PTPRB: variants seen among roughly 807,000 people sequenced by gnomAD.
PTPRB encodes protein tyrosine phosphatase receptor type B, also known as receptor-type tyrosine-protein phosphatase beta.
In PTPRB, 97 loss-of-function variants were observed where a neutral mutation model predicts 238.1. That is an observed-to-expected ratio of 0.41 (90% CI 0.35 to 0.48). The LOEUF is 0.48. Among genes scored for constraint, PTPRB ranks in the 20% least tolerant of loss-of-function variants. The probability of loss-of-function intolerance (pLI) is 0.30; values close to 1 mark genes in which losing one functional copy is unlikely to be tolerated. For missense variants in PTPRB, 2,292 were observed against 2,681.9 expected (o/e 0.85, Z 3.21); for synonymous variants, 970 against 995.4 (o/e 0.97, Z 0.48).
Position 70,529,965 on chromosome 12 carries a change from A to G in PTPRB, c.6504+2070T>C, listed in dbSNP as rs142469307. 4.0e-3 allele frequency among the ~76,000 whole-genome samples: 610 copies of G among 152,126 alleles called. 6 individuals are homozygous for G. Among genetic ancestry groups the G allele is most frequent in the African/African-American group, 0.014 (577 of 41,514 alleles). Reference sequence around the variant, plus strand: ...TCCATGGGGAGTAGAGGAAAAATCCATGGGGAGTAGAGGAATATATTACCA... The same window carrying G: ...TCCATGGGGAGTAGAGGAAAAATCCGTGGGGAGTAGAGGAATATATTACCA... On this transcript the variant is annotated intron_variant, in intron 32 of 33. Transcript: ENST00000334414.
intron 14 of PTPRB, among the ~76,000 whole-genome samples, chr12:70,567,855 T>C (rs906438859): frequency 6.6e-6 from 1 of 152,224 alleles, no homozygotes; most frequent in Non-Finnish European, 1.5e-5. Context: ...AGTATACTTT[T>C]GCTTTTTATA....
chr12:70,555,412 CTGTG>C, intron 19 of PTPRB, 103 bp from the exon 20 acceptor site: 2 of 1,130,218 alleles, frequency 1.8e-6, no homozygotes, highest in African/African-American at 1.5e-5. Context: ...CTGCATCAGA[CTGTG>C]TGTGTGTGAG....
intron 33 of PTPRB, among the ~76,000 whole-genome samples, chr12:70,521,923 C>T (rs1871703770): frequency 6.6e-6 from 1 of 152,140 alleles, no homozygotes; most frequent in Non-Finnish European, 1.5e-5. Flanking sequence ...TAAGTCAAAA[C>T]AAGACAAAGG....
At chr12:70,581,615 T>C (rs1881405026) in intron 9 of PTPRB, among the ~76,000 whole-genome samples, 1 of 152,092 alleles carries the variant, frequency 6.6e-6, no homozygotes, top group Admixed American at 6.5e-5. Context: ...GAAAACTGCT[T>C]AGTTAATGTG....
At chr12:70,592,688 C>A in intron 6 of PTPRB, 143 bp from the exon 7 acceptor site, 1 of 865,778 alleles carries the variant, frequency 1.2e-6, no homozygotes, top group South Asian at 1.8e-5. Flanking sequence ...AAATATTATC[C>A]TCTTCAGATG....
At position 70,560,901 on chromosome 12, in the gene PTPRB, T is replaced by C. The variant is rs561064484; in HGVS notation, c.4202A>G (p.Asn1401Ser). ...PASVSHLRGS[N>S]RNTTDSLWFN... ...CCAAAGGCTGTCTGTCGTGTTCCGATTGGACCCCCTGAGATGACTCACAGA... is the reference window on the plus strand; with the variant it reads ...CCAAAGGCTGTCTGTCGTGTTCCGACTGGACCCCCTGAGATGACTCACAGA... The change falls in exon 17 of 34, where the codon AAT (asparagine) becomes AGT (serine). Residue 1401 changes from asparagine to serine, a missense_variant. Physicochemically the swap from Asn to Ser is conservative, Grantham distance 46. This residue lies in a region of PTPRB where 683 missense variants were observed against 862.0 expected (regional missense o/e 0.79). Coordinates refer to ENST00000334414, the MANE Select transcript of PTPRB (RefSeq NM_001109754.4). The surrounding 1 kb of genome is among the most constrained non-coding windows in gnomAD (Gnocchi z 4.2). 215 of 1,613,600 alleles carry C rather than the reference T, an allele frequency of 1.3e-4. 4 individuals carry two copies. The highest frequency in any genetic ancestry group is 1.3e-3 in the South Asian group (119 of 91,072).
intron 31 of PTPRB, among the ~76,000 whole-genome samples, chr12:70,534,199 C>G (rs554533183): frequency 6.4e-4 from 98 of 152,124 alleles, no homozygotes; most frequent in African/African-American, 2.3e-3. Flanking sequence ...GAATTCCCAT[C>G]AGGACTTTGC....
intron 3 of PTPRB, among the ~76,000 whole-genome samples, chr12:70,613,722 C>T (rs1175609686): frequency 6.6e-6 from 1 of 152,188 alleles, no homozygotes. Flanking sequence ...GAATCTTTGT[C>T]TGTCCTGCTC....
chr12:70,587,188 T>A lies in PTPRB; in HGVS notation c.2130A>T (p.Ala710=), dbSNP rs754236008. The A allele has an allele frequency of 6.2e-7, 1 of 1,613,778 alleles. No individual in the cohort carries two copies. The highest frequency in any genetic ancestry group is 8.5e-7 in the Non-Finnish European group (1 of 1,179,720). ...SLSIMWQTPV[A]EWEKYIISLA... Reference sequence around the variant, plus strand: ...GGGAAATGATGTATTTCTCCCATTCTGCTACAGGGGTCTGCCACATGATAC... The same window carrying A: ...GGGAAATGATGTATTTCTCCCATTCAGCTACAGGGGTCTGCCACATGATAC... Residue 710 remains alanine, a synonymous_variant, in exon 9 of 34, where the codon GCA becomes GCT. Coordinates refer to ENST00000334414, the MANE Select transcript of PTPRB (RefSeq NM_001109754.4).
At chr12:70,610,347 A>T (rs1884365126) in intron 3 of PTPRB, among the ~76,000 whole-genome samples, 1 of 151,862 alleles carries the variant, frequency 6.6e-6, no homozygotes, top group Admixed American at 6.6e-5. Context: ...CAGTCGCCTT[A>T]GCCACAATTA....
At chr12:70,609,021 C>T (rs780848989) in intron 4 of PTPRB, 48 bp downstream of exon 4, 10 of 1,596,396 alleles carry the variant, frequency 6.3e-6, no homozygotes, top group Non-Finnish European at 7.7e-6. Flanking sequence ...AAAGGCAGGG[C>T]CCAACCCCGT....
Position 70,609,107 on chromosome 12 carries a change from A to G in PTPRB, c.941T>C (p.Ile314Thr), listed in dbSNP as rs765767670. The part of the protein sequence containing the change: ...QAGTIYNFRI[I>T]SLDEERTVVL... ...CACTGTTCTCTCTTCATCCAGAGAAATAATCCTGAAGTTATAGATGGTTCC... is the reference window on the plus strand; with the variant it reads ...CACTGTTCTCTCTTCATCCAGAGAAGTAATCCTGAAGTTATAGATGGTTCC... The change falls in exon 4 of 34, where the codon ATT becomes ACT. Residue 314 changes from isoleucine to threonine, a missense_variant. Ile to Thr is a moderately conservative substitution (Grantham distance 89, BLOSUM62 -1). This residue lies in a region of PTPRB where 1,205 missense variants were observed against 1,287.8 expected (regional missense o/e 0.94). Transcript: ENST00000334414. The G allele has an allele frequency of 1.2e-6, 2 of 1,614,020 alleles. No homozygotes were observed. Among genetic ancestry groups the G allele is most frequent in the Non-Finnish European group, 1.7e-6 (2 of 1,179,872 alleles).
intron 3 of PTPRB, among the ~76,000 whole-genome samples, 174 bp downstream of exon 3, chr12:70,622,216 G>A (rs1455723034): frequency 6.6e-6 from 1 of 152,122 alleles, no homozygotes; most frequent in Non-Finnish European, 1.5e-5. Flanking sequence ...TGAGTCAATT[G>A]CAAAGATTTT....
At chr12:70,588,095 CAAA>C (rs10558140) in intron 8 of PTPRB, among the ~76,000 whole-genome samples, 123 of 104,632 alleles carry the variant, frequency 1.2e-3, no homozygotes, top group African/African-American at 3.0e-3. Flanking sequence ...GACTCTGTCT[CAAA>C]AAAAAAAAAA....
rs71457059 is a variant in PTPRB, at chr12:70,535,224, GTTTTTTT to G, written c.6082-276_6082-270del. 1.1e-4 allele frequency among the ~76,000 whole-genome samples: 9 copies of G among 82,002 alleles called. No individual in the cohort carries two copies. The East Asian group carries it at 1.5e-3, about 14-fold the overall frequency. The allele number at this position is 82,002 out of a possible 152,430, so 53.8% of individuals were successfully genotyped here. A position where few individuals can be genotyped will look rare whatever the true frequency, so the allele number is the denominator to read the frequency against. On this transcript the variant is annotated intron_variant, in intron 29 of 33. Transcript: ENST00000334414. The stretch of plus-strand genomic sequence containing the variant: ...TTAGGCCCAGTAATATATGGCTTGA[GTTTTTTT>G]TTTTTTTTTTTTTTTTTTTCCCCTC...
Position 70,545,095 on chromosome 12 carries a change from A to G in PTPRB, c.5388-432T>C, listed in dbSNP as rs547112767. Among the ~76,000 whole-genome samples, 3 of 152,344 alleles carry G rather than the reference A, an allele frequency of 2.0e-5. No homozygotes were observed. In the South Asian group the frequency reaches 6.2e-4, roughly 32 times the overall value. On this transcript the variant is annotated intron_variant, in intron 21 of 33. Coordinates refer to ENST00000334414, the MANE Select transcript of PTPRB (RefSeq NM_001109754.4). ...GGTAGTGATGAAGGCAGTGAGTGAG[A>G]AGTGTTGGATATATCAAAGGAAGAA... is the stretch of plus-strand genomic sequence containing the variant.
chr12:70,546,418 A>C (rs1323690379), intron 21 of PTPRB, among the ~76,000 whole-genome samples: 1 of 152,146 alleles, frequency 6.6e-6, no homozygotes, highest in Non-Finnish European at 1.5e-5. Context: ...GATCCCTATC[A>C]TAGGACCTAA....
chr12:70,590,635 T>C (rs1221284956), intron 7 of PTPRB, among the ~76,000 whole-genome samples: 1 of 147,956 alleles, frequency 6.8e-6, no homozygotes, highest in African/African-American at 2.5e-5. Context: ...AAGGTCTCTC[T>C]ATAATCTGCA....
intron 23 of PTPRB, 144 bp from the exon 24 acceptor site, chr12:70,540,166 A>G (rs1480963568): frequency 1.6e-6 from 1 of 638,232 alleles, no homozygotes; most frequent in Non-Finnish European, 2.7e-6. Flanking sequence ...AACATCTCTG[A>G]GGGAGGGAAA....
Sources: allele counts gnomAD v4.1 joint callset (sites outside exome capture counted in the v4.1 genomes callset), GRCh38; gene constraint gnomAD v4.1.1; regional missense constraint gnomAD v4.1.1; non-coding constraint Gnocchi (gnomAD v3.1); transcripts MANE v1.5; gene names NCBI Gene and HGNC (gene_info 2026-07-23, HGNC 2026-07-21).